RBM44: variants seen among roughly 807,000 people sequenced by gnomAD.
The protein encoded by RBM44 is RNA binding motif protein 44, also known as RNA-binding protein 44.
A neutral mutation model predicts 105.1 loss-of-function variants in RBM44; 66 were observed. The ratio of observed to expected loss-of-function variants is 0.63; its 90% CI spans 0.52 to 0.77. The LOEUF (loss-of-function observed/expected upper bound fraction) is 0.77, where lower values mean the gene tolerates loss of function less well. Ranked by LOEUF, RBM44 falls within the 30% of genes least tolerant of loss-of-function variation. RBM44 has a pLI of 0.00. For missense variants in RBM44, 1,122 were observed against 1,207.8 expected (o/e 0.93, Z 1.05); for synonymous variants, 365 against 417.6 (o/e 0.87, Z 1.54).
At position 237,818,174 on chromosome 2, in the gene RBM44, A is replaced by G. The variant is rs78856938; in HGVS notation, c.1255A>G (p.Arg419Gly). 14,208 of 1,613,186 alleles carry G rather than the reference A, an allele frequency of 8.8e-3. 91 individuals are homozygous for G. Among genetic ancestry groups the G allele is most frequent in the Non-Finnish European group, 0.01 (12,156 of 1,179,510 alleles). The stretch of plus-strand genomic sequence containing the variant: ...TGCTATGCTACCAAAGATCGCAGTC[A>G]GAGATAATCAGGCAATAGAAGATAA... ...FSAMLPKIAVRDNQAIEDNTS... is the reference protein window; with the variant it reads ...FSAMLPKIAVGDNQAIEDNTS... Residue 419 changes from arginine (R) to glycine (G), a missense_variant, in exon 3 of 16, where the codon AGA (arginine) becomes GGA (glycine). Physicochemically the swap from Arg to Gly is moderately radical, Grantham distance 125. Coordinates refer to ENST00000316997, the MANE Select transcript of RBM44 (RefSeq NM_001080504.3). The surrounding 1 kb of genome is among the most constrained non-coding windows in gnomAD (Gnocchi z 4.6).
At chr2:237,821,856 A>G (rs2061794548) in intron 8 of RBM44, 29 bp downstream of exon 8, 1 of 1,429,466 alleles carries the variant, frequency 7.0e-7, no homozygotes, top group Admixed American at 1.7e-5. Context: ...TCATCAATGC[A>G]AATCTTTAAG....
rs1048535769 is a variant in RBM44 at position 237,803,041 on chromosome 2, T to C, written c.-19+4180T>C. Among the ~76,000 whole-genome samples, 5 of 152,012 alleles carry C rather than the reference T, an allele frequency of 3.3e-5. No individual in the cohort carries two copies. Among genetic ancestry groups the C allele is most frequent in the Admixed American group, 2.0e-4 (3 of 15,268 alleles). ...CAGCACTTTGGGAGGCCGAGGCGGG[T>C]GGATCACTTGAGGTCAGGAGTTCAA... is the stretch of plus-strand genomic sequence containing the variant. On this transcript the variant is annotated intron_variant, in intron 1 of 15. Coordinates refer to ENST00000316997, the MANE Select transcript of RBM44 (RefSeq NM_001080504.3). The surrounding 1 kb of genome is among the most constrained non-coding windows in gnomAD (Gnocchi z 4.2).
Position 237,842,740 on chromosome 2 carries a change from C to T in RBM44, c.*924C>T, listed in dbSNP as rs954094297. 5 of 151,996 alleles carry T rather than the reference C, an allele frequency of 3.3e-5. No individual in the cohort carries two copies. The highest frequency in any genetic ancestry group is 2.6e-4 in the Admixed American group (4 of 15,262). 9.4% of individuals were successfully genotyped at this position (151,996 alleles called of 1,614,324 possible). On this transcript the variant is annotated 3_prime_UTR_variant, in exon 16 of 16. Transcript: ENST00000316997. ...TCAATGTGTAGTTGGATTTACTTGA[C>T]TAAAAATTAGCCCTTTAACGTTTAT...
chr2:237,834,391 CT>C lies in RBM44; in HGVS notation c.3148del (p.Ser1050ProfsTer31), dbSNP rs1559923223. The stretch of plus-strand genomic sequence containing the variant: ...ACTTCATCTCTTCTGAAAAACTCTG[CT>C]TCCAGTTAGGAATTCAAAAAACAAT... ...EMTSSLLKNS[A>X]SS On this transcript the variant is annotated frameshift_variant, in exon 15 of 16. Transcript: ENST00000316997. LOFTEE classifies it high-confidence loss of function. 6.6e-7 allele frequency: 1 copy of C among 1,517,530 alleles called. No homozygotes were observed. Among genetic ancestry groups the C allele is most frequent in the Non-Finnish European group, 8.8e-7 (1 of 1,132,896 alleles). The allele number at this position is 1,517,530 out of a possible 1,614,324, so 94.0% of individuals were successfully genotyped here.
intron 1 of RBM44, among the ~76,000 whole-genome samples, chr2:237,802,578 G>A (rs765887215): frequency 6.6e-6 from 1 of 152,062 alleles, no homozygotes; most frequent in Admixed American, 6.5e-5. Flanking sequence ...TTTAATGAGC[G>A]CCCTAAGTGA....
chr2:237,809,477 C>T (rs2061634570), intron 1 of RBM44, among the ~76,000 whole-genome samples: 1 of 152,170 alleles, frequency 6.6e-6, no homozygotes, highest in Non-Finnish European at 1.5e-5. Flanking sequence ...CTACTCCAGA[C>T]AGGCATCTTT....
chr2:237,808,524 C>G (rs72987126), intron 1 of RBM44, among the ~76,000 whole-genome samples: 222 of 150,518 alleles, frequency 1.5e-3, no homozygotes, highest in Non-Finnish European at 2.5e-3. Context: ...CTAAAAATTT[C>G]AGGTAAATTA....
chr2:237,809,937 C>T (rs1164577752), intron 1 of RBM44, among the ~76,000 whole-genome samples: 1 of 151,866 alleles, frequency 6.6e-6, no homozygotes, highest in Non-Finnish European at 1.5e-5. Flanking sequence ...TCTCTTTAAA[C>T]AAAACAAAAT....
chr2:237,803,246 G>A lies in RBM44; in HGVS notation c.-19+4385G>A, dbSNP rs1402670888. On this transcript the variant is annotated intron_variant, in intron 1 of 15. Transcript: ENST00000316997. This position sits in a 1 kb window ranked among gnomAD's most constrained non-coding sequence, Gnocchi z 4.2. The stretch of plus-strand genomic sequence containing the variant: ...CACACCACTGCACTCCAGCCTGGGC[G>A]ACAGAGCGAGACACACACACACACA... Among the ~76,000 whole-genome samples, 3 of 151,240 alleles carry A rather than the reference G, an allele frequency of 2.0e-5. No individual in the cohort carries two copies. The highest frequency in any genetic ancestry group is 1.9e-4 in the East Asian group (1 of 5,174).
chr2:237,802,746 A>T (rs2150965624), intron 1 of RBM44, among the ~76,000 whole-genome samples: 1 of 152,334 alleles, frequency 6.6e-6, no homozygotes, highest in East Asian at 1.9e-4. Flanking sequence ...CTTAGAAAAC[A>T]GGCTCAGTCA....
At position 237,834,245 on chromosome 2, in the gene RBM44, A is replaced by T. The variant is rs1183329630; in HGVS notation, c.3033-33A>T. The stretch of plus-strand genomic sequence containing the variant: ...TTCAGAATGTATTCCTTTGGAAAAG[A>T]CAAATACTCATGTATGTTTTCCTTT... On this transcript the variant is annotated intron_variant, in intron 14 of 15. Coordinates refer to ENST00000316997, the MANE Select transcript of RBM44 (RefSeq NM_001080504.3). 3 of 1,548,408 alleles carry T rather than the reference A, an allele frequency of 1.9e-6. No homozygotes were observed. The South Asian group carries it at 3.7e-5, about 19-fold the overall frequency.
chr2:237,806,298 TGTCA>T (rs1478252655), intron 1 of RBM44, among the ~76,000 whole-genome samples: 2 of 152,192 alleles, frequency 1.3e-5, no homozygotes, highest in Non-Finnish European at 2.9e-5. Context: ...TTATAAATTT[TGTCA>T]GTCTTTTTAA....
At position 237,842,445 on chromosome 2, in the gene RBM44, G is replaced by A. The variant is rs1336581941; in HGVS notation, c.*629G>A. The A allele has an allele frequency of 1.3e-5, 2 of 152,004 alleles. No homozygotes were observed. Among genetic ancestry groups the A allele is most frequent in the Non-Finnish European group, 2.9e-5 (2 of 67,928 alleles). The allele number at this position is 152,004 out of a possible 1,614,324, so 9.4% of individuals were successfully genotyped here. ...CATTCAGGTGTGTTAGCCTTCCCTG[G>A]GAAGGGTAAACTTGTATGTGCTTTG... is the stretch of plus-strand genomic sequence containing the variant. On this transcript the variant is annotated 3_prime_UTR_variant, in exon 16 of 16. Transcript: ENST00000316997.
chr2:237,813,769 CT>C, intron 2 of RBM44, 87 bp downstream of exon 2: 1 of 800,644 alleles, frequency 1.2e-6, no homozygotes, highest in Non-Finnish European at 2.1e-6. Context: ...CAGGTTGCTG[CT>C]TTTTAACTCT....
intron 15 of RBM44, among the ~76,000 whole-genome samples, chr2:237,835,094 G>C (rs552816203): frequency 1.3e-5 from 2 of 152,052 alleles, no homozygotes; most frequent in Admixed American, 1.3e-4. Flanking sequence ...TTTTTGTGAC[G>C]CCTGTATGGT....
At chr2:237,833,418 G>C (rs1229880731) in intron 13 of RBM44, among the ~76,000 whole-genome samples, 2 of 152,090 alleles carry the variant, frequency 1.3e-5, no homozygotes, top group Non-Finnish European at 2.9e-5. Flanking sequence ...TTTTAATTTT[G>C]TCTCTTCGCA....
chr2:237,821,415 T>C (rs1479892955), intron 7 of RBM44, 47 bp downstream of exon 7: 1 of 1,409,308 alleles, frequency 7.1e-7, no homozygotes, highest in Non-Finnish European at 9.7e-7. Context: ...ATCCTAAAAA[T>C]TGCTTAATTC....
At chr2:237,814,481 C>A (rs1022149673) in intron 2 of RBM44, among the ~76,000 whole-genome samples, 2 of 151,998 alleles carry the variant, frequency 1.3e-5, no homozygotes, top group South Asian at 4.2e-4. Flanking sequence ...CTCAGTAAAT[C>A]CCAATAGGGT....
At chr2:237,819,879 A>G (rs1245419372) in intron 4 of RBM44, among the ~76,000 whole-genome samples, 1 of 152,036 alleles carries the variant, frequency 6.6e-6, no homozygotes, top group Non-Finnish European at 1.5e-5. Flanking sequence ...ATGACTTTAT[A>G]GAGAATAAGC....
Sources: gnomAD v4.1 joint callset for allele counts (sites outside exome capture counted in the v4.1 genomes callset) on GRCh38, gnomAD v4.1.1 for gene constraint, Gnocchi (gnomAD v3.1) non-coding constraint, MANE v1.5 for transcripts, NCBI Gene and HGNC (gene_info 2026-07-23, HGNC 2026-07-21) for gene names.